The following ESF1 variants were observed in gnomAD, a reference collection of about 807,000 sequenced individuals.
ESF1 encodes the protein ESF1 nucleolar pre-rRNA processing protein, also known as ESF1 homolog.
In ESF1, 58 loss-of-function variants were observed where a neutral mutation model predicts 92.0. The observed-to-expected ratio is 0.63, with a 90% CI of 0.51 to 0.78. The LOEUF is 0.78. Ranked by LOEUF, ESF1 falls within the 30% of genes least tolerant of loss-of-function variation. The pLI, the probability that ESF1 is intolerant of heterozygous loss-of-function variation, is 0.00. For synonymous variants in ESF1, 321 were observed against 313.7 expected, an observed-to-expected ratio of 1.02 and a Z score of -0.24; for missense variants, 922 against 989.1, an observed-to-expected ratio of 0.93 and a Z score of 0.91.
chr20:13,760,742 G>A (rs1365270053), intron 8 of ESF1, among the ~76,000 whole-genome samples: 23 of 150,624 alleles, frequency 1.5e-4, no homozygotes, highest in Admixed American at 7.2e-4. Flanking sequence ...CAGCCGCCCC[G>A]TCCGGGAGGG....
At chr20:13,780,427 T>C (rs1259663679) in intron 2 of ESF1, among the ~76,000 whole-genome samples, 3 of 152,102 alleles carry the variant, frequency 2.0e-5, no homozygotes, top group Admixed American at 6.5e-5. Context: ...ATCTTATTCT[T>C]CAATTTTAGT....
intron 1 of ESF1, among the ~76,000 whole-genome samples, chr20:13,783,748 T>C (rs1980406569): frequency 6.6e-6 from 1 of 152,136 alleles, no homozygotes; most frequent in Admixed American, 6.5e-5. Flanking sequence ...CCGGGAGGTC[T>C]TGGCTAGAGT....
chr20:13,730,875 A>C (rs1461501115), intron 10 of ESF1, among the ~76,000 whole-genome samples: 1 of 152,142 alleles, frequency 6.6e-6, no homozygotes, highest in African/African-American at 2.4e-5. Flanking sequence ...TCATTTCTTC[A>C]GTAATAATTT....
In ESF1 at chr20:13,728,380, ATT is replaced by A; in HGVS notation, c.2034_2035del (p.Gln678HisfsTer5). The A allele has an allele frequency of 6.2e-7, 1 of 1,610,546 alleles. No homozygotes were observed. The highest frequency in any genetic ancestry group is 8.5e-7 in the Non-Finnish European group (1 of 1,178,416). On this transcript the variant is annotated frameshift_variant, in exon 11 of 14. Transcript: ENST00000617257. LOFTEE classifies it high-confidence loss of function. ...ACTACAGATATGAGCTGGCTTACCT[ATT>A]TGTTTAACTTCTTCAGCAAAGTATG...
intron 8 of ESF1, among the ~76,000 whole-genome samples, chr20:13,760,367 C>T (rs150213642): frequency 0.062 from 9,356 of 150,282 alleles, 460 homozygotes; most frequent in East Asian, 0.18. Flanking sequence ...TCTGCCCGGC[C>T]GCCCATCGTC....
chr20:13,760,039 A>G (rs973399258), intron 8 of ESF1, among the ~76,000 whole-genome samples, 186 bp from the exon 9 acceptor site: 3 of 152,260 alleles, frequency 2.0e-5, no homozygotes, highest in African/African-American at 7.2e-5. Flanking sequence ...TGCAATATAA[A>G]TTTGCACTGT....
At chr20:13,720,407 T>C (rs932324940) in intron 11 of ESF1, among the ~76,000 whole-genome samples, 1 of 152,146 alleles carries the variant, frequency 6.6e-6, no homozygotes, top group African/African-American at 2.4e-5. Context: ...CTAGATGTGA[T>C]ATAATATGAA....
At chr20:13,743,034 G>A (rs1413666349) in intron 9 of ESF1, among the ~76,000 whole-genome samples, 1 of 152,082 alleles carries the variant, frequency 6.6e-6, no homozygotes, top group Non-Finnish European at 1.5e-5. Flanking sequence ...GCATGTATCA[G>A]CACTTCATTC....
At chr20:13,771,212 C>T (rs1419514919) in intron 6 of ESF1, 119 bp downstream of exon 6, 16 of 986,986 alleles carry the variant, frequency 1.6e-5, no homozygotes, top group East Asian at 2.4e-5. Flanking sequence ...TAGAGTTAAC[C>T]GAAAAGCAAA....
intron 9 of ESF1, among the ~76,000 whole-genome samples, chr20:13,736,366 C>A (rs2049975410): frequency 6.6e-6 from 1 of 151,972 alleles, no homozygotes; most frequent in Non-Finnish European, 1.5e-5. Flanking sequence ...CATTAAAAAT[C>A]ATTTCTAAAA....
At chr20:13,773,824 G>A (rs963609029) in intron 4 of ESF1, among the ~76,000 whole-genome samples, 4 of 152,068 alleles carry the variant, frequency 2.6e-5, no homozygotes, top group African/African-American at 7.2e-5. Context: ...GGCCAGGCGC[G>A]GTGGCTCACA....
chr20:13,766,110 A>C (rs1600289148), intron 8 of ESF1, among the ~76,000 whole-genome samples: 1 of 152,214 alleles, frequency 6.6e-6, no homozygotes, highest in East Asian at 1.9e-4. Flanking sequence ...CAGAGACAAC[A>C]GATTAAAAAT....
chr20:13,747,650 T>C (rs1024258287), intron 9 of ESF1, among the ~76,000 whole-genome samples: 1 of 151,574 alleles, frequency 6.6e-6, no homozygotes, highest in African/African-American at 2.4e-5. Flanking sequence ...ATCAAAATAA[T>C]ATTAACATTT....
chr20:13,762,065 T>A (rs557197767), intron 8 of ESF1, among the ~76,000 whole-genome samples: 2 of 152,342 alleles, frequency 1.3e-5, no homozygotes, highest in African/African-American at 4.8e-5. Flanking sequence ...GTTTTTAAAA[T>A]TCATTTTGTC....
At chr20:13,728,680 C>A (rs2049919522) in intron 10 of ESF1, among the ~76,000 whole-genome samples, 1 of 152,040 alleles carries the variant, frequency 6.6e-6, no homozygotes, top group African/African-American at 2.4e-5. Flanking sequence ...GCCTGGCCAA[C>A]ACAGTGAAAC....
chr20:13,776,182 A>G lies in ESF1; in HGVS notation c.726T>C (p.Asp242=). Residue 242 remains aspartate (D), a synonymous_variant, in exon 3 of 14, where the codon GAT becomes GAC. Transcript: ENST00000617257. ...TTCCTATTTCACTAACGCTTTCTGA[A>G]TCTTCCTCCAGAGCATCTTTGTCAC... is the stretch of plus-strand genomic sequence containing the variant. ...EMCDKDALEE[D]SESVSEIGSD... is the part of the protein sequence containing the mutation. The G allele has an allele frequency of 6.2e-7, 1 of 1,613,848 alleles. No homozygotes were observed. Among genetic ancestry groups the G allele is most frequent in the South Asian group, 1.1e-5 (1 of 91,072 alleles).
At position 13,776,288 on chromosome 20, in the gene ESF1, G is replaced by T. The variant is rs745529114; in HGVS notation, c.638-18C>A. On this transcript the variant is annotated intron_variant, in intron 2 of 13. Transcript: ENST00000617257. ...TTGAACCACTGCAAAATGTTAAAGG[G>T]GAAAGAAATTAAGAAAAGATATATG... 2.5e-6 allele frequency: 4 copies of T among 1,574,592 alleles called. No individual in the cohort carries two copies. The highest frequency in any genetic ancestry group is 3.4e-6 in the Non-Finnish European group (4 of 1,162,472).
Position 13,717,491 on chromosome 20 carries a change from C to T in ESF1, c.2139G>A (p.Met713Ile). The T allele has an allele frequency of 6.2e-7, 1 of 1,613,926 alleles. No individual in the cohort carries two copies. The highest frequency in any genetic ancestry group is 8.5e-7 in the Non-Finnish European group (1 of 1,179,996). The change falls in exon 13 of 14, where the codon ATG becomes ATA. Residue 713 changes from methionine to isoleucine, a missense_variant. Met to Ile is a conservative substitution (Grantham distance 10). Coordinates refer to ENST00000617257, the MANE Select transcript of ESF1 (RefSeq NM_001276380.2). The part of the protein sequence containing the change: ...RQKAEMALLM[M>I]DEDEDSKKHF... ...GTTTCTTACTGTCCTCGTCCTCATC[C>T]ATCATAAGCAAAGCCATTTCAGCCT...
chr20:13,754,710 A>G (rs1568720886), intron 9 of ESF1, among the ~76,000 whole-genome samples: 1 of 152,180 alleles, frequency 6.6e-6, no homozygotes, highest in African/African-American at 2.4e-5. Flanking sequence ...ACTTATCTAT[A>G]GCAGCAAGAA....
Sources: gnomAD v4.1 joint callset for allele counts (sites outside exome capture counted in the v4.1 genomes callset) on GRCh38, gnomAD v4.1.1 for gene constraint, MANE v1.5 for transcripts, NCBI Gene and HGNC (gene_info 2026-07-23, HGNC 2026-07-21) for gene names.